Variants in RREB1 observed in about 807,000 individuals in gnomAD.
RREB1 encodes ras responsive element binding protein 1.
RREB1 carries 27 observed loss-of-function variants against 117.8 expected under a neutral mutation model. The observed-to-expected ratio is 0.23, with a 90% CI of 0.17 to 0.32. RREB1 has a LOEUF of 0.32. Ranked by LOEUF, RREB1 falls within the 10% of genes least tolerant of loss-of-function variation. RREB1 has a pLI of 1.00. For missense variants in RREB1, 2,577 were observed against 2,378.2 expected (o/e 1.08, Z -1.74); for synonymous variants, 1,298 against 1,026.7 (o/e 1.26, Z -5.05).
chr6:7,180,492 A>G (rs1056899114), intron 2 of RREB1, among the ~76,000 whole-genome samples: 23 of 152,206 alleles, frequency 1.5e-4, no homozygotes, highest in African/African-American at 5.3e-4. Context: ...ATATCCAATT[A>G]CCTTATGGTA....
intron 1 of RREB1, among the ~76,000 whole-genome samples, chr6:7,160,927 A>G (rs987956609): frequency 6.6e-6 from 1 of 151,210 alleles, no homozygotes; most frequent in Non-Finnish European, 1.5e-5. Flanking sequence ...CTCGTGATCC[A>G]CCCGCCTCAG....
chr6:7,142,163 C>T (rs1296594725), intron 1 of RREB1, among the ~76,000 whole-genome samples: 14 of 151,692 alleles, frequency 9.2e-5, no homozygotes, highest in East Asian at 1.9e-4. Context: ...TGCAGTGAGC[C>T]GAGATCGCGC....
intron 1 of RREB1, among the ~76,000 whole-genome samples, chr6:7,137,260 T>TC (rs1291609044): frequency 6.6e-6 from 1 of 152,052 alleles, no homozygotes; most frequent in Non-Finnish European, 1.5e-5. Context: ...GCCTCTCCCT[T>TC]CCCCCCTGAG....
intron 11 of RREB1, among the ~76,000 whole-genome samples, chr6:7,243,126 G>C (rs1229863193): frequency 6.6e-6 from 1 of 152,182 alleles, no homozygotes; most frequent in Non-Finnish European, 1.5e-5. Flanking sequence ...TGTCAGCATG[G>C]ACTACACCTC....
rs1769289942 is a variant in RREB1 at position 7,249,080 on chromosome 6, A to T, written c.*112A>T. ...TGAGGAGTGAGAGAGAGAGAGAGAG[A>T]GAGAGAGAGAGAGAGAGAGAGAGAC... On this transcript the variant is annotated 3_prime_UTR_variant, in exon 13 of 13. Coordinates refer to ENST00000379938, the MANE Select transcript of RREB1 (RefSeq NM_001003699.4). The T allele has an allele frequency of 1.4e-6, 1 of 736,218 alleles. No homozygotes were observed. The highest frequency in any genetic ancestry group is 2.1e-6 in the Non-Finnish European group (1 of 474,078). 45.6% of individuals were successfully genotyped at this position (736,218 alleles called of 1,614,324 possible). A position where few individuals can be genotyped will look rare whatever the true frequency, so the allele number is the denominator to read the frequency against.
In RREB1 at chr6:7,230,468, T is replaced by A. The variant is rs766620799; in HGVS notation, c.2369T>A (p.Phe790Tyr). ...GGGGGCCACAAGGGCCGCAAGCCCT[T>A]CGAGTGCAAGGAGTGCAGCGCCGCG... The part of the protein sequence containing the change: ...LGGGHKGRKP[F>Y]ECKECSAAFA... The change falls in exon 10 of 13, where the codon TTC becomes TAC. Residue 790 changes from phenylalanine to tyrosine, a missense_variant. Transcript: ENST00000379938. 8.8e-6 allele frequency: 14 copies of A among 1,594,650 alleles called. 1 individual carries two copies. The South Asian group carries it at 1.5e-4, about 18-fold the overall frequency.
chr6:7,172,943 T>C (rs1421162279), intron 1 of RREB1, among the ~76,000 whole-genome samples: 1 of 152,158 alleles, frequency 6.6e-6, no homozygotes, highest in South Asian at 2.1e-4. Context: ...AGCCCATCCT[T>C]CAAGAGATGC....
chr6:7,129,815 C>T (rs1034785004), intron 1 of RREB1, among the ~76,000 whole-genome samples: 1 of 152,198 alleles, frequency 6.6e-6, no homozygotes, highest in Admixed American at 6.5e-5. Flanking sequence ...TGGTTCATGT[C>T]CCTTTGGTCT....
intron 6 of RREB1, among the ~76,000 whole-genome samples, chr6:7,198,249 C>T (rs1370407589): frequency 1.3e-5 from 2 of 152,180 alleles, no homozygotes; most frequent in Non-Finnish European, 2.9e-5. Flanking sequence ...AGGTCCCTGT[C>T]CCTCTTGACA....
rs140357749 is a variant in RREB1, at chr6:7,149,774, C to T, written c.-284-26881C>T. 2.3e-3 allele frequency among the ~76,000 whole-genome samples: 346 copies of T among 152,226 alleles called. 2 individuals are homozygous for T. Among genetic ancestry groups the T allele is most frequent in the East Asian group, 0.022 (114 of 5,174 alleles). Reference sequence around the variant, plus strand: ...GCAATCTCGGCTCACTGCAACCTGGCGCCTCCCAGGTTCAAGCGATTCTCC... The same window carrying T: ...GCAATCTCGGCTCACTGCAACCTGGTGCCTCCCAGGTTCAAGCGATTCTCC... On this transcript the variant is annotated intron_variant, in intron 1 of 12. Coordinates refer to ENST00000379938, the MANE Select transcript of RREB1 (RefSeq NM_001003699.4).
intron 6 of RREB1, among the ~76,000 whole-genome samples, chr6:7,202,167 T>C (rs113163033): frequency 1.5e-3 from 229 of 152,290 alleles, no homozygotes; most frequent in African/African-American, 5.1e-3. Flanking sequence ...TTCACTACGC[T>C]GCTTCTTGCA....
intron 8 of RREB1, chr6:7,218,048 T>C (rs922810581): frequency 6.6e-6 from 1 of 152,228 alleles, no homozygotes; most frequent in South Asian, 2.1e-4. Context: ...AAAGCAGATA[T>C]TTAGAAACGT....
intron 1 of RREB1, among the ~76,000 whole-genome samples, chr6:7,127,471 A>ATGTTTGCTGAACATAT (rs1761987756): frequency 6.6e-6 from 1 of 152,170 alleles, no homozygotes; most frequent in African/African-American, 2.4e-5. Flanking sequence ...CAGCAAATAT[A>ATGTTTGCTGAACATAT]ATTCAACAAT....
chr6:7,246,895 G>A lies in RREB1; in HGVS notation c.4445G>A (p.Gly1482Asp), dbSNP rs1303483520. ...RQEPKDEKGD[G>D]ASTAEEGPQP... ...GAGCCCAAGGACGAGAAGGGAGATG[G>A]CGCCAGCACTGCAGAGGAGGGGCCC... The change falls in exon 12 of 13, where the codon GGC becomes GAC. Residue 1482 changes from glycine to aspartate, a missense_variant. Transcript: ENST00000379938. 2 of 1,553,210 alleles carry A rather than the reference G, an allele frequency of 1.3e-6. No homozygotes were observed.
At chr6:7,183,375 C>T (rs1764904751) in intron 4 of RREB1, 1 of 152,246 alleles carries the variant, frequency 6.6e-6, no homozygotes, top group African/African-American at 2.4e-5. Flanking sequence ...TCCATCAGCC[C>T]ATTGGACAAT....
At chr6:7,206,359 A>T (rs892796404) in intron 6 of RREB1, among the ~76,000 whole-genome samples, 1 of 152,222 alleles carries the variant, frequency 6.6e-6, no homozygotes, top group African/African-American at 2.4e-5. Context: ...AAGTTATAAG[A>T]TGTCCTGGAA....
chr6:7,178,177 CAT>C (rs1299980587), intron 2 of RREB1, among the ~76,000 whole-genome samples: 1 of 152,014 alleles, frequency 6.6e-6, no homozygotes, highest in Non-Finnish European at 1.5e-5. Flanking sequence ...ATAATAATAA[CAT>C]ATATTATTAC....
chr6:7,138,410 G>A (rs1762431195), intron 1 of RREB1, among the ~76,000 whole-genome samples: 1 of 152,170 alleles, frequency 6.6e-6, no homozygotes, highest in South Asian at 2.1e-4. Context: ...AAAGACACTT[G>A]AATATTTTTT....
rs755567717 is a variant in RREB1 at position 7,230,319 on chromosome 6, C to T, written c.2220C>T (p.Ser740=). ...AGAACATCGAGTATGTGAGTAGCAG[C>T]GCGGCCGAGCTGGTGGACGCCTTCT... ...IEKNIEYVSS[S]AAELVDAFCA... is the part of the protein sequence containing the mutation. Residue 740 remains serine, a synonymous_variant, in exon 10 of 13, where the codon AGC becomes AGT. Coordinates refer to ENST00000379938, the MANE Select transcript of RREB1 (RefSeq NM_001003699.4). 2.0e-5 allele frequency: 32 copies of T among 1,587,502 alleles called. No individual in the cohort carries two copies. Among genetic ancestry groups the T allele is most frequent in the Non-Finnish European group, 2.6e-5 (30 of 1,171,986 alleles).
Sources: allele counts gnomAD v4.1 joint callset (sites outside exome capture counted in the v4.1 genomes callset), GRCh38; gene constraint gnomAD v4.1.1; transcripts MANE v1.5; gene names NCBI Gene and HGNC (gene_info 2026-07-23, HGNC 2026-07-21).